CELF2: variants seen among roughly 807,000 people sequenced by gnomAD.
CELF2 encodes CUG triplet repeat RNA-binding protein 2.
A neutral mutation model predicts 62.6 loss-of-function variants in CELF2; 8 were observed. That is an observed-to-expected ratio of 0.13 (90% CI 0.07 to 0.23). CELF2 has a LOEUF of 0.23. Among genes scored for constraint, CELF2 ranks in the 10% least tolerant of loss-of-function variants. The pLI is 1.00. For missense variants in CELF2, 333 were observed against 671.0 expected (o/e 0.50, Z 5.56); for synonymous variants, 258 against 250.0 (o/e 1.03, Z -0.30).
chr10:10,988,925 C>G (rs532836443), intron 2 of CELF2, among the ~76,000 whole-genome samples: 1 of 151,544 alleles, frequency 6.6e-6, no homozygotes, highest in South Asian at 2.1e-4. Context: ...TTGTCATTTG[C>G]CAAAAAGATA....
At chr10:10,927,351 A>AGAAAAAAC (rs1554884925) in intron 2 of CELF2, 1 of 137,650 alleles carries the variant, frequency 7.3e-6, no homozygotes, top group Non-Finnish European at 1.5e-5. Flanking sequence ...GACATTAAAA[A>AGAAAAAAC]AAAAAAAAAA....
At chr10:10,825,296 G>C (rs567892445) in intron 1 of CELF2, among the ~76,000 whole-genome samples, 13 of 152,184 alleles carry the variant, frequency 8.5e-5, no homozygotes, top group Admixed American at 2.0e-4. Context: ...TGCAAGCTCC[G>C]CCTCCCAGGT....
intron 1 of CELF2, among the ~76,000 whole-genome samples, chr10:11,095,266 G>C (rs747968804): frequency 6.6e-6 from 1 of 152,160 alleles, no homozygotes; most frequent in Non-Finnish European, 1.5e-5. Context: ...ACATCAGCAG[G>C]CTACTAAGCA....
intron 2 of CELF2, among the ~76,000 whole-genome samples, chr10:10,986,934 T>A (rs548269539): frequency 3.9e-5 from 6 of 152,292 alleles, no homozygotes; most frequent in African/African-American, 1.4e-4. Flanking sequence ...GAAGGCACAG[T>A]CCAAGCAGTA....
At chr10:10,463,028 A>T in the CELF2 span, among the ~76,000 whole-genome samples, 1 of 152,172 alleles carries the variant, frequency 6.6e-6, no homozygotes, top group Non-Finnish European at 1.5e-5. Flanking sequence ...AAGTGCAATG[A>T]TGAAACTTTT....
At chr10:11,273,327 C>T (rs1156993455) in intron 7 of CELF2, among the ~76,000 whole-genome samples, 1 of 152,098 alleles carries the variant, frequency 6.6e-6, no homozygotes, top group Non-Finnish European at 1.5e-5. Flanking sequence ...CCCGTCAGAT[C>T]AGCGGCAGCC....
At chr10:11,076,214 A>G (rs1392219126) in intron 1 of CELF2, among the ~76,000 whole-genome samples, 1 of 152,090 alleles carries the variant, frequency 6.6e-6, no homozygotes, top group Non-Finnish European at 1.5e-5. Context: ...AGCTTAAATC[A>G]GGCCAACTTT....
At position 10,954,468 on chromosome 10, in the gene CELF2, G is replaced by A. The variant is rs141885215; in HGVS notation, c.89+34469G>A. On this transcript the variant is annotated intron_variant, in intron 2 of 13. Coordinates refer to the CELF2 transcript ENST00000636488. ...TCACCATGTTGGTCAGGCAGGTCCC[G>A]AACTCCTGACCTTGTGATCCGCCCA... Among the ~76,000 whole-genome samples the A allele has an allele frequency of 6.7e-3, 1,013 of 152,016 alleles. 9 individuals are homozygous for A. The highest frequency in any genetic ancestry group is 0.023 in the African/African-American group (954 of 41,456).
the CELF2 span, among the ~76,000 whole-genome samples, chr10:10,478,125 C>T: frequency 2.6e-4 from 39 of 152,258 alleles, no homozygotes; most frequent in African/African-American, 8.9e-4. Flanking sequence ...ATCAGATTTG[C>T]TATCTTTTGT....
At chr10:10,606,810 A>G in the CELF2 span, among the ~76,000 whole-genome samples, 1 of 152,192 alleles carries the variant, frequency 6.6e-6, no homozygotes, top group Admixed American at 6.5e-5. Context: ...GGTCTGGGAA[A>G]GTCTCCTTTC....
chr10:11,064,192 C>T (rs569889216), intron 1 of CELF2, among the ~76,000 whole-genome samples: 7 of 152,168 alleles, frequency 4.6e-5, no homozygotes, highest in Non-Finnish European at 1.0e-4. Flanking sequence ...ATTTCACTGA[C>T]AGATTTAACC....
chr10:11,095,845 C>T (rs2049704511), intron 1 of CELF2, among the ~76,000 whole-genome samples: 1 of 152,054 alleles, frequency 6.6e-6, no homozygotes, highest in African/African-American at 2.4e-5. Context: ...GTGATGAAAC[C>T]ATTTGTGAAA....
the CELF2 span, among the ~76,000 whole-genome samples, chr10:10,747,450 G>A: frequency 3.9e-5 from 6 of 152,262 alleles, no homozygotes; most frequent in South Asian, 8.3e-4. Flanking sequence ...AAAGGGGAAG[G>A]ATACATTGCT....
chr10:10,617,229 C>A, the CELF2 span, among the ~76,000 whole-genome samples: 2 of 152,172 alleles, frequency 1.3e-5, no homozygotes, highest in Admixed American at 1.3e-4. Flanking sequence ...AAGGGAAAGT[C>A]AGGCTTGTGT....
intron 1 of CELF2, among the ~76,000 whole-genome samples, chr10:10,918,188 C>T (rs1034632147): frequency 6.6e-6 from 1 of 152,150 alleles, no homozygotes; most frequent in Non-Finnish European, 1.5e-5. Flanking sequence ...TTAAAAGAGA[C>T]TTCTATTGTA....
chr10:11,056,741 A>G (rs975981845), intron 1 of CELF2, among the ~76,000 whole-genome samples: 2 of 152,236 alleles, frequency 1.3e-5, no homozygotes, highest in Non-Finnish European at 2.9e-5. Flanking sequence ...ATAGTAGACC[A>G]CTTATCTTAG....
chr10:11,134,340 A>G (rs1023790754), intron 1 of CELF2, among the ~76,000 whole-genome samples: 1 of 152,232 alleles, frequency 6.6e-6, no homozygotes, highest in African/African-American at 2.4e-5. Flanking sequence ...GCATCTTCAC[A>G]GTAAAAAGTG....
chr10:10,704,458 A>G, the CELF2 span, among the ~76,000 whole-genome samples: 2 of 152,226 alleles, frequency 1.3e-5, no homozygotes, highest in African/African-American at 2.4e-5. Context: ...AATTATCTAA[A>G]TGATTTTCAT....
Position 11,227,343 on chromosome 10 carries a change from G to A in CELF2, c.354+9836G>A, listed in dbSNP as rs1276541630. Among the ~76,000 whole-genome samples the A allele has an allele frequency of 6.6e-6, 1 of 152,192 alleles. No homozygotes were observed. The highest frequency in any genetic ancestry group is 1.5e-5 in the Non-Finnish European group (1 of 68,040). On this transcript the variant is annotated intron_variant, in intron 3 of 12. Transcript: ENST00000633077. The surrounding 1 kb of genome is among the most constrained non-coding windows in gnomAD (Gnocchi z 4.8). ...ACCAGACTCACCACCACAAACCAGGGCACTGAGAGGTAGAACCAGGCAGCC... is the reference window on the plus strand; with the variant it reads ...ACCAGACTCACCACCACAAACCAGGACACTGAGAGGTAGAACCAGGCAGCC...
Sources: allele counts gnomAD v4.1 joint callset (sites outside exome capture counted in the v4.1 genomes callset), GRCh38; gene constraint gnomAD v4.1.1; non-coding constraint Gnocchi (gnomAD v3.1); transcripts MANE v1.5; gene names NCBI Gene and HGNC (gene_info 2026-07-23, HGNC 2026-07-21).